LAT2: variants seen among roughly 807,000 people sequenced by gnomAD.
LAT2 encodes the protein linker for activation of T-cells family member 2.
A neutral mutation model predicts 43.4 loss-of-function variants in LAT2; 23 were observed. The ratio of observed to expected loss-of-function variants is 0.53; its 90% CI spans 0.38 to 0.75. LAT2 has a LOEUF of 0.75. Ranked by LOEUF, LAT2 falls within the 30% of genes least tolerant of loss-of-function variation. The probability of loss-of-function intolerance (pLI) is 0.00; values close to 1 mark genes in which losing one functional copy is unlikely to be tolerated. For synonymous variants in LAT2, 128 were observed against 123.2 expected, an observed-to-expected ratio of 1.04 and a Z score of -0.26; for missense variants, 284 against 310.2, an observed-to-expected ratio of 0.92 and a Z score of 0.64.
rs1316708761 is a variant in LAT2 at position 74,229,049 on chromosome 7, G to A, written c.*124G>A. The A allele has an allele frequency of 1.3e-5, 2 of 152,272 alleles. No individual in the cohort carries two copies. Among genetic ancestry groups the A allele is most frequent in the African/African-American group, 2.4e-5 (1 of 41,442 alleles). 9.4% of individuals were successfully genotyped at this position (152,272 alleles called of 1,614,324 possible). Reference sequence around the variant, plus strand: ...TTAAGCCCCTGCCATGGTTGCTCCTGGAAGGAGAACCAGCCACCCTGAGGA... The same window carrying A: ...TTAAGCCCCTGCCATGGTTGCTCCTAGAAGGAGAACCAGCCACCCTGAGGA... On this transcript the variant is annotated 3_prime_UTR_variant, in exon 14 of 14. Transcript: ENST00000460943.
intron 3 of LAT2, 24 bp downstream of exon 3, chr7:74,216,093 G>A (rs975425561): frequency 6.3e-7 from 1 of 1,588,914 alleles, no homozygotes; most frequent in Admixed American, 1.7e-5. Flanking sequence ...TCGGGGACGT[G>A]ATGGGGAGAA....
chr7:74,219,354 C>T lies in LAT2; in HGVS notation c.135-390C>T, dbSNP rs1160936517. On this transcript the variant is annotated intron_variant, in intron 4 of 13. Coordinates refer to ENST00000460943, the MANE Select transcript of LAT2 (RefSeq NM_032464.3). ...TCATTGCTGGGTCCCTGAGCACCTG[C>T]CTTCATTCACCCTCATGCCCCAGAA... Among the ~76,000 whole-genome samples, 4 of 152,170 alleles carry T rather than the reference C, an allele frequency of 2.6e-5. No homozygotes were observed. The South Asian group carries it at 6.2e-4, about 24-fold the overall frequency.
intron 12 of LAT2, 100 bp from the exon 13 acceptor site, chr7:74,224,539 G>A (rs539144082): frequency 7.9e-5 from 80 of 1,017,712 alleles, no homozygotes; most frequent in South Asian, 1.2e-4. Context: ...GGCATTTCCC[G>A]CGGGCTGTTT....
At chr7:74,225,425 G>A (rs1554715988) in intron 13 of LAT2, 1 of 152,292 alleles carries the variant, frequency 6.6e-6, no homozygotes. Flanking sequence ...TGCACACAAA[G>A]CCTCAGCCCA....
At chr7:74,218,308 G>A (rs1277165665) in intron 4 of LAT2, among the ~76,000 whole-genome samples, 1 of 152,140 alleles carries the variant, frequency 6.6e-6, no homozygotes, top group Non-Finnish European at 1.5e-5. Flanking sequence ...GTGGATTTAG[G>A]GTATCTCTCC....
Position 74,223,729 on chromosome 7 carries a change from G to A in LAT2, c.394G>A (p.Asp132Asn), listed in dbSNP as rs1802377796. 1 of 1,614,002 alleles carries A rather than the reference G, an allele frequency of 6.2e-7. No individual in the cohort carries two copies. The change falls in exon 11 of 14, where the codon GAT (aspartate) becomes AAT (asparagine). Residue 132 changes from aspartate (D) to asparagine (N), a missense_variant. Asp to Asn is a conservative substitution (Grantham distance 23, BLOSUM62 1). Transcript: ENST00000460943. ...GRFSKPPEDD[D>N]ANSYENVLIC... Reference sequence around the variant, plus strand: ...CACTCCTCTCTCTCCTGCAGATGATGATGCCAATTCCTACGAGAATGTGCT... The same window carrying A: ...CACTCCTCTCTCTCCTGCAGATGATAATGCCAATTCCTACGAGAATGTGCT...
chr7:74,226,219 C>G (rs1004385842), intron 13 of LAT2: 6 of 151,600 alleles, frequency 4.0e-5, no homozygotes, highest in Non-Finnish European at 8.8e-5. Context: ...CTCACTGCAA[C>G]CTCCACCTCC....
Position 74,224,644 on chromosome 7 carries a change from C to T in LAT2, c.634C>T (p.Leu212Phe). Residue 212 changes from leucine (L) to phenylalanine (F), a missense_variant, in exon 13 of 14, where the codon CTC (leucine) becomes TTC (phenylalanine). Transcript: ENST00000460943. ...GTCTGCCCGCTGGTCCACAGGGCAA[C>T]TCCAGAGAGAAGCATCCCCTGGCCC... is the stretch of plus-strand genomic sequence containing the variant. ...WRESRKVMGQLQREASPGPVG... is the reference protein window; with the variant it reads ...WRESRKVMGQFQREASPGPVG... 2 of 1,599,812 alleles carry T rather than the reference C, an allele frequency of 1.3e-6. No individual in the cohort carries two copies. The highest frequency in any genetic ancestry group is 1.7e-6 in the Non-Finnish European group (2 of 1,173,396).
At chr7:74,221,329 C>T (rs1171957100) in intron 9 of LAT2, among the ~76,000 whole-genome samples, 2 of 147,404 alleles carry the variant, frequency 1.4e-5, no homozygotes, top group East Asian at 4.0e-4. Context: ...GCAGGAGAAT[C>T]GCTTGAACCT....
chr7:74,214,361 A>ATATATATATATGAACATATAT (rs1801896735), intron 1 of LAT2, among the ~76,000 whole-genome samples: 2 of 43,938 alleles, frequency 4.6e-5, no homozygotes, highest in African/African-American at 8.4e-5. Context: ...TATATATATA[A>ATATATATATATGAACATATAT]ATATATATAT....
In LAT2 at chr7:74,220,206, C is replaced by A. The variant is rs782461518; in HGVS notation, c.228-11C>A. ...CCCCTCCTTTAACTCCCTCCTTCCCCCTCCCTGCAGGAAGGACAAGCTGTT... is the reference window on the plus strand; with the variant it reads ...CCCCTCCTTTAACTCCCTCCTTCCCACTCCCTGCAGGAAGGACAAGCTGTT... On this transcript the variant is annotated splice_polypyrimidine_tract_variant and intron_variant, in intron 6 of 13. Coordinates refer to ENST00000460943, the MANE Select transcript of LAT2 (RefSeq NM_032464.3). This position sits in a 1 kb window ranked among gnomAD's most constrained non-coding sequence, Gnocchi z 4.5. The A allele has an allele frequency of 2.5e-6, 4 of 1,604,952 alleles. No individual in the cohort carries two copies. The South Asian group carries it at 4.4e-5, about 18-fold the overall frequency.
rs782717465 is a variant in LAT2 at position 74,216,880 on chromosome 7, G to A, written c.134+16G>A. ...AGAGAAGTCTGTGAGTTGCCTCGAT[G>A]TCCCTAGCCTGGTGTATTCATGTGC... On this transcript the variant is annotated intron_variant, in intron 4 of 13. Transcript: ENST00000460943. The A allele has an allele frequency of 1.9e-6, 3 of 1,611,636 alleles. No individual in the cohort carries two copies. Among genetic ancestry groups the A allele is most frequent in the Non-Finnish European group, 8.5e-7 (1 of 1,177,856 alleles).
rs952928018 is a variant in LAT2 at position 74,220,125 on chromosome 7, T to A, written c.228-92T>A. 4 of 1,562,090 alleles carry A rather than the reference T, an allele frequency of 2.6e-6. No individual in the cohort carries two copies. Among genetic ancestry groups the A allele is most frequent in the Admixed American group, 1.8e-5 (1 of 56,882 alleles). Reference sequence around the variant, plus strand: ...GTCCCAGAGCTCCAGGGCTCAGCTATGAAGGCCCCACAAGGGGTATGGGGG... The same window carrying A: ...GTCCCAGAGCTCCAGGGCTCAGCTAAGAAGGCCCCACAAGGGGTATGGGGG... On this transcript the variant is annotated intron_variant, in intron 6 of 13. Transcript: ENST00000460943. This position sits in a 1 kb window ranked among gnomAD's most constrained non-coding sequence, Gnocchi z 4.5.
At chr7:74,219,476 T>A (rs1345044432) in intron 4 of LAT2, among the ~76,000 whole-genome samples, 1 of 152,172 alleles carries the variant, frequency 6.6e-6, no homozygotes, top group Non-Finnish European at 1.5e-5. Context: ...GTTGAGGCCA[T>A]GTCAGGGATG....
chr7:74,224,505 A>G (rs1275189998), intron 12 of LAT2, 134 bp from the exon 13 acceptor site: 1 of 761,444 alleles, frequency 1.3e-6, no homozygotes, highest in Non-Finnish European at 2.3e-6. Context: ...GGACAGACAC[A>G]CACCGCCAGG....
At chr7:74,219,233 AGT>A (rs1802167723) in intron 4 of LAT2, among the ~76,000 whole-genome samples, 1 of 151,756 alleles carries the variant, frequency 6.6e-6, no homozygotes, top group South Asian at 2.1e-4. Flanking sequence ...AGACGGGGTG[AGT>A]GTGTGCTTTT....
At chr7:74,217,647 G>A (rs1275547612) in intron 4 of LAT2, among the ~76,000 whole-genome samples, 1 of 152,142 alleles carries the variant, frequency 6.6e-6, no homozygotes, top group Non-Finnish European at 1.5e-5. Flanking sequence ...TCCCTCGGGG[G>A]ACCAGGGAAG....
chr7:74,215,823 G>A (rs560850213), intron 2 of LAT2, 124 bp from the exon 3 acceptor site: 167 of 705,446 alleles, frequency 2.4e-4, no homozygotes, highest in Non-Finnish European at 4.0e-4. Context: ...CAGTGCAGGA[G>A]CGGGGAGGGG....
In LAT2 at chr7:74,215,813, C is replaced by T. The variant is rs1802017153; in HGVS notation, c.-29-134C>T. The T allele has an allele frequency of 4.4e-6, 3 of 681,736 alleles. No homozygotes were observed. The South Asian group carries it at 4.9e-5, about 11-fold the overall frequency. The allele number at this position is 681,736 out of a possible 1,614,324, so 42.2% of individuals were successfully genotyped here. A position where few individuals can be genotyped will look rare whatever the true frequency, so the allele number is the denominator to read the frequency against. ...GAACAGGACTGGTTCTGTCCTTGCCCAGTGCAGGAGCGGGGAGGGGAGGTG... is the reference window on the plus strand; with the variant it reads ...GAACAGGACTGGTTCTGTCCTTGCCTAGTGCAGGAGCGGGGAGGGGAGGTG... On this transcript the variant is annotated intron_variant, in intron 2 of 13. Coordinates refer to ENST00000460943, the MANE Select transcript of LAT2 (RefSeq NM_032464.3).
Sources: allele counts gnomAD v4.1 joint callset (sites outside exome capture counted in the v4.1 genomes callset), GRCh38; gene constraint gnomAD v4.1.1; non-coding constraint Gnocchi (gnomAD v3.1); transcripts MANE v1.5; gene names NCBI Gene and HGNC (gene_info 2026-07-23, HGNC 2026-07-21).